SAMD12: variants seen among roughly 807,000 people sequenced by gnomAD.
The protein encoded by SAMD12 is sterile alpha motif domain containing 12, also known as sterile alpha motif domain-containing protein 12.
Under a neutral mutation model 15.0 loss-of-function variants are expected in SAMD12, and 9 were observed. That is an observed-to-expected ratio of 0.60 (90% CI 0.36 to 1.05). SAMD12 has a LOEUF of 1.05. Among genes scored for constraint, SAMD12 ranks in the 50% least tolerant of loss-of-function variants. The pLI is 0.01. For synonymous variants in SAMD12, 86 were observed against 90.1 expected (o/e 0.96, Z 0.25); for missense variants, 230 against 234.2 (o/e 0.98, Z 0.12).
intron 4 of SAMD12, among the ~76,000 whole-genome samples, chr8:118,325,404 C>T (rs1305405759): frequency 2.6e-5 from 4 of 152,124 alleles, no homozygotes; most frequent in Non-Finnish European, 5.9e-5. Context: ...GTGAAGACTT[C>T]TCCTAATTAT....
chr8:118,442,553 A>T (rs975641779), intron 2 of SAMD12, among the ~76,000 whole-genome samples: 14 of 152,188 alleles, frequency 9.2e-5, no homozygotes, highest in Non-Finnish European at 2.9e-5. Flanking sequence ...TTTATTGTTG[A>T]TGATGTTTAG....
intron 4 of SAMD12, among the ~76,000 whole-genome samples, chr8:118,273,060 A>C (rs992865503): frequency 4.6e-5 from 7 of 152,198 alleles, no homozygotes; most frequent in Non-Finnish European, 7.3e-5. Flanking sequence ...TTACTGTATT[A>C]GTCTGTTCTC....
intron 4 of SAMD12, among the ~76,000 whole-genome samples, chr8:118,348,130 G>A (rs2130581386): frequency 6.6e-6 from 1 of 152,258 alleles, no homozygotes; most frequent in African/African-American, 2.4e-5. Context: ...AGGCTGGAGT[G>A]CAACGGTGCC....
chr8:118,221,873 C>T (rs1310553133), intron 4 of SAMD12, among the ~76,000 whole-genome samples: 1 of 152,210 alleles, frequency 6.6e-6, no homozygotes, highest in African/African-American at 2.4e-5. Flanking sequence ...GACCACAGCA[C>T]CATGAAAATA....
chr8:118,509,710 CATT>C (rs1825021635), intron 2 of SAMD12, among the ~76,000 whole-genome samples: 3 of 152,008 alleles, frequency 2.0e-5, no homozygotes, highest in Admixed American at 6.5e-5. Flanking sequence ...AATTTTACAT[CATT>C]AAGAGCTTTA....
At chr8:118,507,211 A>G (rs960210357) in intron 2 of SAMD12, among the ~76,000 whole-genome samples, 1 of 151,946 alleles carries the variant, frequency 6.6e-6, no homozygotes. Flanking sequence ...TCCTCCACCT[A>G]GAAAGTCTCC....
rs73318089 is a variant in SAMD12 at position 118,251,466 on chromosome 8, C to T, written c.434-53734G>A. 4.8e-3 allele frequency among the ~76,000 whole-genome samples: 735 copies of T among 152,176 alleles called. 6 individuals are homozygous for T. Among genetic ancestry groups the T allele is most frequent in the African/African-American group, 0.017 (692 of 41,542 alleles). On this transcript the variant is annotated intron_variant, in intron 4 of 4. Coordinates refer to the SAMD12 transcript ENST00000409003. ...ATCTTGCACCCGAAGTTTTCCAGTC[C>T]GTCTAGTGTTCACCAGGTCTTTTTA... is the stretch of plus-strand genomic sequence containing the variant.
intron 4 of SAMD12, among the ~76,000 whole-genome samples, chr8:118,361,367 C>A (rs1818489922): frequency 6.6e-6 from 1 of 152,140 alleles, no homozygotes; most frequent in Non-Finnish European, 1.5e-5. Context: ...ATTCCCACTA[C>A]CTCATCGGAC....
intron 2 of SAMD12, among the ~76,000 whole-genome samples, chr8:118,572,645 C>A (rs1017974531): frequency 6.6e-6 from 1 of 152,136 alleles, no homozygotes; most frequent in Non-Finnish European, 1.5e-5. Context: ...TGCCTGCTGC[C>A]AAACATGTAA....
At chr8:118,296,781 G>C (rs1439610247) in intron 4 of SAMD12, among the ~76,000 whole-genome samples, 2 of 152,138 alleles carry the variant, frequency 1.3e-5, no homozygotes, top group African/African-American at 4.8e-5. Context: ...ACTAAGCTCT[G>C]GTCTTGATGC....
intron 2 of SAMD12, among the ~76,000 whole-genome samples, chr8:118,538,164 G>A (rs1825896904): frequency 2.1e-5 from 1 of 48,304 alleles, no homozygotes; most frequent in Middle Eastern, 0.01. Context: ...GTTAGTCTCT[G>A]TCTGTCTGTC....
At chr8:118,392,644 C>G (rs559882228) in intron 3 of SAMD12, among the ~76,000 whole-genome samples, 1 of 152,156 alleles carries the variant, frequency 6.6e-6, no homozygotes, top group Non-Finnish European at 1.5e-5. Context: ...AATGGCAACT[C>G]TATTTATCAC....
intron 1 of SAMD12, among the ~76,000 whole-genome samples, chr8:118,613,325 T>C (rs965159623): frequency 2.0e-5 from 3 of 152,168 alleles, no homozygotes; most frequent in African/African-American, 7.2e-5. Flanking sequence ...TGAGTTTCAA[T>C]GGTACTTTAT....
intron 2 of SAMD12, among the ~76,000 whole-genome samples, chr8:118,485,841 T>C (rs1224592810): frequency 1.3e-5 from 2 of 152,232 alleles, no homozygotes; most frequent in Non-Finnish European, 2.9e-5. Flanking sequence ...TATCCTCAAC[T>C]TCCTCATGTG....
intron 1 of SAMD12, among the ~76,000 whole-genome samples, chr8:118,617,080 G>T (rs1828258030): frequency 6.6e-6 from 1 of 152,198 alleles, no homozygotes; most frequent in Non-Finnish European, 1.5e-5. Context: ...TAAGTTCACT[G>T]CTGCATACAA....
At chr8:118,216,369 T>C (rs1301500902) in intron 4 of SAMD12, among the ~76,000 whole-genome samples, 10 of 151,758 alleles carry the variant, frequency 6.6e-5, no homozygotes, top group Non-Finnish European at 1.5e-5. Context: ...TAGCCCTTTG[T>C]CAGATGAGTA....
intron 2 of SAMD12, among the ~76,000 whole-genome samples, chr8:118,455,556 C>T (rs7830423): frequency 0.46 from 69,357 of 151,858 alleles, 17,900 homozygotes; most frequent in South Asian, 0.6. Context: ...TCAAGTCCCA[C>T]TGGCTTTAAA....
At chr8:118,523,323 T>G (rs1035459850) in intron 2 of SAMD12, among the ~76,000 whole-genome samples, 1 of 152,136 alleles carries the variant, frequency 6.6e-6, no homozygotes, top group Non-Finnish European at 1.5e-5. Flanking sequence ...AGACTTAAAA[T>G]AGCCCATGAA....
chr8:118,495,402 A>T (rs1824580643), intron 2 of SAMD12, among the ~76,000 whole-genome samples: 1 of 152,174 alleles, frequency 6.6e-6, no homozygotes, highest in South Asian at 2.1e-4. Flanking sequence ...CCTGTCAAAC[A>T]TCTCTTTTCT....
Sources: gnomAD v4.1 joint callset for allele counts (sites outside exome capture counted in the v4.1 genomes callset) on GRCh38, gnomAD v4.1.1 for gene constraint, MANE v1.5 for transcripts, NCBI Gene and HGNC (gene_info 2026-07-23, HGNC 2026-07-21) for gene names.